SYNE3: variants seen among roughly 807,000 people sequenced by gnomAD.
The protein encoded by SYNE3 is spectrin repeat containing nuclear envelope family member 3.
SYNE3 carries 100 observed loss-of-function variants against 111.2 expected under a neutral mutation model. The ratio of observed to expected loss-of-function variants is 0.90; its 90% CI spans 0.77 to 1.06. The LOEUF (loss-of-function observed/expected upper bound fraction) is 1.06, where lower values mean the gene tolerates loss of function less well. Among genes scored for constraint, SYNE3 ranks in the 50% least tolerant of loss-of-function variants. The pLI is 0.00. For missense variants in SYNE3, 1,160 were observed against 1,240.3 expected, an observed-to-expected ratio of 0.94 and a Z score of 0.97; for synonymous variants, 547 against 533.9, an observed-to-expected ratio of 1.02 and a Z score of -0.34.
At position 95,410,711 on chromosome 14, in the gene SYNE3, GTC is replaced by G. The variant is rs1399044229; in HGVS notation, c.*7113_*7114del. ...CTTCTCAGGAGGAGAGAAAAGTAAA[GTC>G]TCTGACTGGTTTAAGCCAAAGTTGG... On this transcript the variant is annotated 3_prime_UTR_variant, in exon 18 of 18. Coordinates refer to ENST00000682763, the MANE Select transcript of SYNE3 (RefSeq NM_152592.6). 6.6e-6 allele frequency: 1 copy of G among 152,256 alleles called. No homozygotes were observed. The highest frequency in any genetic ancestry group is 2.4e-5 in the African/African-American group (1 of 41,462). 9.4% of individuals were successfully genotyped at this position (152,256 alleles called of 1,614,324 possible).
rs115490372 is a variant in SYNE3, at chr14:95,441,782, C to T, written c.1911+1373G>A. Among the ~76,000 whole-genome samples, 678 of 152,324 alleles carry T rather than the reference C, an allele frequency of 4.5e-3. 5 individuals carry two copies. The highest frequency in any genetic ancestry group is 0.015 in the African/African-American group (642 of 41,558). On this transcript the variant is annotated intron_variant, in intron 11 of 17. Coordinates refer to ENST00000682763, the MANE Select transcript of SYNE3 (RefSeq NM_152592.6). ...TAAATGAATTCAACCAGACATTAAT[C>T]GTCACTTACACCAATGGGGCTCCAC... is the stretch of plus-strand genomic sequence containing the variant.
In SYNE3 at chr14:95,439,652, A is replaced by G; in HGVS notation, c.2206T>C (p.Ser736Pro). The change falls in exon 13 of 18, where the codon TCG (serine) becomes CCG (proline). Residue 736 changes from serine to proline, a missense_variant. By Grantham distance (74) the Ser-to-Pro change is moderately conservative. Coordinates refer to ENST00000682763, the MANE Select transcript of SYNE3 (RefSeq NM_152592.6). ...VQEELRELAESWRALRLLEES... is the reference protein window; with the variant it reads ...VQEELRELAEPWRALRLLEES... Reference sequence around the variant, plus strand: ...TCCAGCAGCCTCAAGGCCCGCCACGACTCTGCCAGCTCCCTGAGCTCCTCC... The same window carrying G: ...TCCAGCAGCCTCAAGGCCCGCCACGGCTCTGCCAGCTCCCTGAGCTCCTCC... 2 of 1,613,296 alleles carry G rather than the reference A, an allele frequency of 1.2e-6. No individual in the cohort carries two copies. Among genetic ancestry groups the G allele is most frequent in the Non-Finnish European group, 1.7e-6 (2 of 1,179,956 alleles).
At chr14:95,423,331 G>A (rs1187762) in intron 17 of SYNE3, among the ~76,000 whole-genome samples, 2,588 of 152,094 alleles carry the variant, frequency 0.017, 80 homozygotes, top group African/African-American at 0.059. Flanking sequence ...CTCTCCTCCC[G>A]CCACTTCCCT....
intron 4 of SYNE3, among the ~76,000 whole-genome samples, chr14:95,461,041 T>C (rs1055103319): frequency 2.0e-5 from 3 of 152,074 alleles, no homozygotes; most frequent in Non-Finnish European, 4.4e-5. Flanking sequence ...GGCATAACAG[T>C]CACAGGGCAG....
At position 95,445,903 on chromosome 14, in the gene SYNE3, G is replaced by A. The variant is rs1268895895; in HGVS notation, c.1632+6C>T. The A allele has an allele frequency of 1.2e-6, 2 of 1,612,934 alleles. No homozygotes were observed. Among genetic ancestry groups the A allele is most frequent in the Admixed American group, 1.7e-5 (1 of 60,010 alleles). On this transcript the variant is annotated splice_donor_region_variant and intron_variant, in intron 9 of 17. Coordinates refer to ENST00000682763, the MANE Select transcript of SYNE3 (RefSeq NM_152592.6). The stretch of plus-strand genomic sequence containing the variant: ...AAGTCCCGAGCAGATGCCTGGTGCT[G>A]CACACCTGCAGTTTGCTTTTCCTCT...
At chr14:95,498,293 C>T (rs774069759) in intron 1 of SYNE3, among the ~76,000 whole-genome samples, 3 of 152,144 alleles carry the variant, frequency 2.0e-5, no homozygotes, top group East Asian at 1.9e-4. Flanking sequence ...CGGGTTCAAG[C>T]GATTCTCCTG....
At chr14:95,482,544 C>A (rs1267228784) in intron 1 of SYNE3, among the ~76,000 whole-genome samples, 1 of 152,148 alleles carries the variant, frequency 6.6e-6, no homozygotes. Flanking sequence ...ATCTCGTTAG[C>A]GAACTCCCCT....
Position 95,439,705 on chromosome 14 carries a change from G to A in SYNE3, c.2153C>T (p.Ser718Phe). Residue 718 changes from serine to phenylalanine, a missense_variant, in exon 13 of 18, where the codon TCT becomes TTT. Physicochemically the swap from Ser to Phe is radical, Grantham distance 155. Coordinates refer to ENST00000682763, the MANE Select transcript of SYNE3 (RefSeq NM_152592.6). ...EAQGWLVMEK[S>F]SPEGAAVVQE... is the part of the protein sequence containing the mutation. Reference sequence around the variant, plus strand: ...CACCACGGCAGCACCCTCCGGAGAAGACTTCTCCATCACCAGCCAGCCCTG... The same window carrying A: ...CACCACGGCAGCACCCTCCGGAGAAAACTTCTCCATCACCAGCCAGCCCTG... 2 of 1,614,184 alleles carry A rather than the reference G, an allele frequency of 1.2e-6. No individual in the cohort carries two copies. Among genetic ancestry groups the A allele is most frequent in the Non-Finnish European group, 1.7e-6 (2 of 1,180,032 alleles).
In SYNE3 at chr14:95,436,901, C is replaced by T. The variant is rs772039220; in HGVS notation, c.2457G>A (p.Val819=). ...LLRNFGQWLQ[V]ENSKLVRIIA... is the part of the protein sequence containing the mutation. ...TGATTCTAACCAGCTTGGAGTTTTCCACCTGCAACCACTGCCCAAAGTTCC... is the reference window on the plus strand; with the variant it reads ...TGATTCTAACCAGCTTGGAGTTTTCTACCTGCAACCACTGCCCAAAGTTCC... The change falls in exon 15 of 18, where the codon GTG becomes GTA. Residue 819 remains valine, a synonymous_variant. Transcript: ENST00000682763. 4 of 1,614,182 alleles carry T rather than the reference C, an allele frequency of 2.5e-6. No individual in the cohort carries two copies. The highest frequency in any genetic ancestry group is 3.3e-5 in the Admixed American group (2 of 60,026).
chr14:95,431,793 T>G (rs1885780506), intron 17 of SYNE3, among the ~76,000 whole-genome samples: 1 of 152,226 alleles, frequency 6.6e-6, no homozygotes, highest in Non-Finnish European at 1.5e-5. Context: ...CTCCCCAGCG[T>G]GTCCTGATTT....
At chr14:95,464,291 G>A (rs1225176012) in intron 4 of SYNE3, among the ~76,000 whole-genome samples, 1 of 152,198 alleles carries the variant, frequency 6.6e-6, no homozygotes, top group Non-Finnish European at 1.5e-5. Context: ...AAACCACCCT[G>A]TTAAGCTCAC....
chr14:95,432,184 C>A, intron 16 of SYNE3, 67 bp from the exon 17 acceptor site: 1 of 1,524,690 alleles, frequency 6.6e-7, no homozygotes, highest in East Asian at 2.3e-5. Context: ...AACTTAAATC[C>A]CAACAGAGCC....
chr14:95,512,102 G>A (rs1350590629), intron 1 of SYNE3, among the ~76,000 whole-genome samples: 1 of 152,106 alleles, frequency 6.6e-6, no homozygotes, highest in African/African-American at 2.4e-5. Flanking sequence ...TATCTTACTT[G>A]TTGTATGATT....
chr14:95,507,604 G>A (rs1024568900), intron 1 of SYNE3, among the ~76,000 whole-genome samples: 6 of 152,198 alleles, frequency 3.9e-5, no homozygotes, highest in Non-Finnish European at 5.9e-5. Flanking sequence ...GACAAGAGAC[G>A]CCACAAGATG....
intron 1 of SYNE3, among the ~76,000 whole-genome samples, chr14:95,495,099 G>A (rs1401120198): frequency 1.3e-5 from 2 of 150,442 alleles, no homozygotes; most frequent in African/African-American, 4.9e-5. Context: ...GCAACAGAGC[G>A]AGACTCAGTC....
chr14:95,500,757 C>T lies in SYNE3; in HGVS notation c.-15+15839G>A, dbSNP rs746675748. Among the ~76,000 whole-genome samples the T allele has an allele frequency of 1.8e-4, 28 of 152,186 alleles. No individual in the cohort carries two copies. The highest frequency in any genetic ancestry group is 4.1e-4 in the Non-Finnish European group (28 of 68,042). On this transcript the variant is annotated intron_variant, in intron 1 of 17. Transcript: ENST00000682763. The surrounding 1 kb of genome is among the most constrained non-coding windows in gnomAD (Gnocchi z 4.7). ...GGACCCTGGGTTGTCCCCAGCAGCC[C>T]CATAGCAGAGTCACTGACCCTTCCT...
chr14:95,471,973 C>A (rs1888558012), intron 2 of SYNE3, among the ~76,000 whole-genome samples: 1 of 152,068 alleles, frequency 6.6e-6, no homozygotes, highest in African/African-American at 2.4e-5. Flanking sequence ...GTGCTAGGGT[C>A]CTGGATGAAC....
chr14:95,436,981 C>T lies in SYNE3; in HGVS notation c.2377G>A (p.Ala793Thr), dbSNP rs1387836712. ...CCTTCTTCTTCCTGTAGAAGATTTG[C>T]CTGTAGGATCACACACGGCCAAAGC... is the stretch of plus-strand genomic sequence containing the variant. ...MDPIPRHRRR[A>T]NLLQEEEGSH... Residue 793 changes from alanine to threonine, a missense_variant and splice_region_variant, in exon 15 of 18, where the codon GCA becomes ACA. Ala to Thr is a moderately conservative substitution (Grantham distance 58, BLOSUM62 0). Transcript: ENST00000682763. The T allele has an allele frequency of 6.2e-7, 1 of 1,614,098 alleles. No individual in the cohort carries two copies. Among genetic ancestry groups the T allele is most frequent in the Admixed American group, 1.7e-5 (1 of 60,024 alleles).
At chr14:95,501,395 G>A (rs1890329326) in intron 1 of SYNE3, among the ~76,000 whole-genome samples, 1 of 152,190 alleles carries the variant, frequency 6.6e-6, no homozygotes. Flanking sequence ...TAGAGGAGCT[G>A]GTGACTGAGG....
Sources: gnomAD v4.1 joint callset for allele counts (sites outside exome capture counted in the v4.1 genomes callset) on GRCh38, gnomAD v4.1.1 for gene constraint, Gnocchi (gnomAD v3.1) non-coding constraint, MANE v1.5 for transcripts, NCBI Gene and HGNC (gene_info 2026-07-23, HGNC 2026-07-21) for gene names.